TMPRSS11F: variants seen among roughly 807,000 people sequenced by gnomAD.
The protein encoded by TMPRSS11F is transmembrane protease serine 11F.
TMPRSS11F carries 47 observed loss-of-function variants against 60.2 expected under a neutral mutation model. The ratio of observed to expected loss-of-function variants is 0.78; its 90% CI spans 0.62 to 1.00. TMPRSS11F has a LOEUF of 1.00. Ranked by LOEUF, TMPRSS11F falls within the 50% of genes least tolerant of loss-of-function variation. The pLI is 0.00. For synonymous variants in TMPRSS11F, 166 were observed against 167.3 expected (o/e 0.99, Z 0.06); for missense variants, 519 against 522.9 (o/e 0.99, Z 0.07).
chr4:68,081,108 T>C (rs912075917), intron 3 of TMPRSS11F, among the ~76,000 whole-genome samples: 2 of 152,208 alleles, frequency 1.3e-5, no homozygotes, highest in Non-Finnish European at 2.9e-5. Flanking sequence ...AAGCTAGTTG[T>C]TGTAGTTTTA....
At chr4:68,080,360 G>C (rs1462727550) in intron 3 of TMPRSS11F, 1 of 152,188 alleles carries the variant, frequency 6.6e-6, no homozygotes, top group Non-Finnish European at 1.5e-5. Context: ...ATGATAATGA[G>C]TTGTGAGAAA....
chr4:68,124,790 G>GTTTT (rs1412541326), intron 1 of TMPRSS11F, among the ~76,000 whole-genome samples: 7 of 152,030 alleles, frequency 4.6e-5, no homozygotes, highest in African/African-American at 1.7e-4. Context: ...GTTTACAATA[G>GTTTT]TATCTAGACA....
intron 1 of TMPRSS11F, among the ~76,000 whole-genome samples, chr4:68,115,284 G>A (rs1326799684): frequency 2.0e-5 from 3 of 148,222 alleles, no homozygotes; most frequent in African/African-American, 7.5e-5. Context: ...GTGAACCCAG[G>A]AGGCGGAGCT....
chr4:68,089,041 GA>G lies in TMPRSS11F; in HGVS notation c.282+1481del, dbSNP rs113412897. Among the ~76,000 whole-genome samples the G allele has an allele frequency of 1.9e-3, 269 of 141,380 alleles. 1 individual carries two copies. The highest frequency in any genetic ancestry group is 5.6e-3 in the African/African-American group (217 of 38,736). 92.8% of individuals were successfully genotyped at this position (141,380 alleles called of 152,430 possible). A position where few individuals can be genotyped will look rare whatever the true frequency, so the allele number is the denominator to read the frequency against. On this transcript the variant is annotated intron_variant, in intron 3 of 9. Coordinates refer to ENST00000356291, the MANE Select transcript of TMPRSS11F (RefSeq NM_207407.2). Reference sequence around the variant, plus strand: ...ACCAAGATCACTTTTTACAGAATTAGAAAAAAAAAAACTATTCTGAAACTTA... The same window carrying G: ...ACCAAGATCACTTTTTACAGAATTAGAAAAAAAAAACTATTCTGAAACTTA...
chr4:68,075,425 C>G (rs1246048817), intron 3 of TMPRSS11F, among the ~76,000 whole-genome samples: 1 of 152,096 alleles, frequency 6.6e-6, no homozygotes, highest in African/African-American at 2.4e-5. Flanking sequence ...TCAATATTTC[C>G]TTCAACACAA....
intron 9 of TMPRSS11F, among the ~76,000 whole-genome samples, 171 bp downstream of exon 9, chr4:68,059,155 C>T (rs780033507): frequency 5.3e-5 from 8 of 150,258 alleles, no homozygotes; most frequent in East Asian, 2.0e-4. Flanking sequence ...TTTGGCTTAG[C>T]GTATATTAAA....
At chr4:68,111,385 G>A (rs889032630) in intron 1 of TMPRSS11F, among the ~76,000 whole-genome samples, 7 of 152,212 alleles carry the variant, frequency 4.6e-5, no homozygotes, top group Admixed American at 2.6e-4. Flanking sequence ...ACATGAAACA[G>A]ATGGCCCAAT....
intron 1 of TMPRSS11F, among the ~76,000 whole-genome samples, chr4:68,116,221 C>T (rs1414727073): frequency 6.6e-6 from 1 of 151,952 alleles, no homozygotes; most frequent in Admixed American, 6.5e-5. Flanking sequence ...AGAATGGCAA[C>T]AGTTTTTGTT....
intron 3 of TMPRSS11F, among the ~76,000 whole-genome samples, chr4:68,084,711 T>A (rs1448389956): frequency 2.7e-5 from 4 of 150,774 alleles, no homozygotes; most frequent in Admixed American, 2.0e-4. Context: ...GAAACACATT[T>A]ATTTATTTAT....
intron 8 of TMPRSS11F, 66 bp from the exon 9 acceptor site, chr4:68,059,534 TA>T: frequency 6.8e-7 from 1 of 1,468,882 alleles, no homozygotes; most frequent in Non-Finnish European, 9.2e-7. Context: ...ATCTAAGACA[TA>T]GAAGACACAT....
At chr4:68,063,753 T>C (rs1236639663) in intron 8 of TMPRSS11F, among the ~76,000 whole-genome samples, 1 of 152,292 alleles carries the variant, frequency 6.6e-6, no homozygotes, top group Admixed American at 6.5e-5. Context: ...ATACAATTAC[T>C]AGACTTGATG....
intron 9 of TMPRSS11F, among the ~76,000 whole-genome samples, chr4:68,057,448 G>A (rs937746991): frequency 6.6e-6 from 1 of 152,000 alleles, no homozygotes; most frequent in South Asian, 2.1e-4. Context: ...TTTGGGCAAG[G>A]ATTTTTGAAT....
At chr4:68,064,981 A>T in intron 7 of TMPRSS11F, 37 bp from the exon 8 acceptor site, 1 of 1,567,494 alleles carries the variant, frequency 6.4e-7, no homozygotes, top group Non-Finnish European at 8.6e-7. Flanking sequence ...GTGATGCTTG[A>T]CTTAATTCTG....
intron 5 of TMPRSS11F, 97 bp downstream of exon 5, chr4:68,072,226 A>ATATATATATATATATATATATTAC (rs61224244): frequency 1.3e-5 from 1 of 79,248 alleles, no homozygotes; most frequent in African/African-American, 4.6e-5. Context: ...TCTTCCAAAA[A>ATATATATATATATATATATATTAC]AAAAATATAT....
At position 68,106,976 on chromosome 4, in the gene TMPRSS11F, C is replaced by T. The variant is rs1228477708; in HGVS notation, c.12-7938G>A. On this transcript the variant is annotated intron_variant, in intron 1 of 9. Transcript: ENST00000356291. ...CTATTACCATCTTGGAAGCACTACT[C>T]TCATGCTATGGTATCAGCAAGGTCA... 2.6e-5 allele frequency among the ~76,000 whole-genome samples: 4 copies of T among 152,160 alleles called. 1 individual carries two copies. Among genetic ancestry groups the T allele is most frequent in the Admixed American group, 2.6e-4 (4 of 15,276 alleles).
intron 1 of TMPRSS11F, among the ~76,000 whole-genome samples, chr4:68,115,618 G>T (rs1724503179): frequency 1.3e-5 from 2 of 152,036 alleles, no homozygotes; most frequent in Admixed American, 1.3e-4. Flanking sequence ...ATACTATAAA[G>T]AAAATCCTTG....
At chr4:68,075,553 C>A (rs1723565661) in intron 3 of TMPRSS11F, among the ~76,000 whole-genome samples, 1 of 152,038 alleles carries the variant, frequency 6.6e-6, no homozygotes, top group African/African-American at 2.4e-5. Flanking sequence ...GCTTGTATGG[C>A]AATATCCTAG....
Position 68,073,993 on chromosome 4 carries a change from C to G in TMPRSS11F, c.299G>C (p.Arg100Pro). 1.3e-6 allele frequency: 2 copies of G among 1,577,502 alleles called. No homozygotes were observed. Among genetic ancestry groups the G allele is most frequent in the South Asian group, 1.2e-5 (1 of 84,436 alleles). Residue 100 changes from arginine (R) to proline (P), a missense_variant, in exon 4 of 10, where the codon CGA becomes CCA. Physicochemically the swap from Arg to Pro is moderately radical, Grantham distance 103. Coordinates refer to ENST00000356291, the MANE Select transcript of TMPRSS11F (RefSeq NM_207407.2). ...QIERMMSRIF[R>P]HSSVGGRFIK... The stretch of plus-strand genomic sequence containing the variant: ...AAATCGACCGCCTACAGAAGAATGT[C>G]GAAATATCCTAGACATCTGATTTTT...
chr4:68,067,646 T>A (rs938102075), intron 7 of TMPRSS11F, among the ~76,000 whole-genome samples: 9 of 152,252 alleles, frequency 5.9e-5, no homozygotes. Context: ...TAATGCCAGT[T>A]ATTTCGGTAG....
Sources: allele counts gnomAD v4.1 joint callset (sites outside exome capture counted in the v4.1 genomes callset), GRCh38; gene constraint gnomAD v4.1.1; transcripts MANE v1.5; gene names NCBI Gene and HGNC (gene_info 2026-07-23, HGNC 2026-07-21).